The following DLGAP1 variants were observed in gnomAD, a reference collection of about 807,000 sequenced individuals.
DLGAP1 encodes disks large-associated protein 1.
In DLGAP1, 11 loss-of-function variants were observed where a neutral mutation model predicts 90.8. That is an observed-to-expected ratio of 0.12 (90% confidence interval 0.08 to 0.20). The LOEUF (loss-of-function observed/expected upper bound fraction) is 0.20. Among genes scored for constraint, DLGAP1 ranks in the 10% least tolerant of loss-of-function variants. DLGAP1 has a pLI of 1.00. For synonymous variants in DLGAP1, 558 were observed against 540.7 expected, an observed-to-expected ratio of 1.03 and a Z score of -0.44; for missense variants, 1,050 against 1,333.8, an observed-to-expected ratio of 0.79 and a Z score of 3.31.
At chr18:3,975,208 TTATATA>T (rs1178973211) in intron 3 of DLGAP1, among the ~76,000 whole-genome samples, 1 of 151,914 alleles carries the variant, frequency 6.6e-6, no homozygotes, top group African/African-American at 2.4e-5. Flanking sequence ...AAAATAAAAA[TTATATA>T]TATAAATACA....
At chr18:3,916,090 G>A (rs1212383418) in intron 3 of DLGAP1, among the ~76,000 whole-genome samples, 1 of 152,146 alleles carries the variant, frequency 6.6e-6, no homozygotes, top group African/African-American at 2.4e-5. Flanking sequence ...CATCCATAAG[G>A]CTTCCCTCTC....
chr18:3,795,447 C>A (rs1047095873), intron 5 of DLGAP1, among the ~76,000 whole-genome samples: 1 of 151,946 alleles, frequency 6.6e-6, no homozygotes, highest in African/African-American at 2.4e-5. Context: ...TCCTGAGTAG[C>A]TGGGACTACA....
chr18:3,583,191 T>C (rs77548121), intron 7 of DLGAP1, among the ~76,000 whole-genome samples: 16,840 of 147,300 alleles, frequency 0.11, 1,216 homozygotes, highest in East Asian at 0.22. Context: ...CCTACCTTCC[T>C]TCCTTCCTTC....
intron 12 of DLGAP1, 110 bp downstream of exon 12, chr18:3,502,383 C>T: frequency 6.6e-7 from 1 of 1,505,316 alleles, no homozygotes; most frequent in Non-Finnish European, 8.8e-7. Context: ...AATATGATAT[C>T]AGCTCCATTT....
intron 7 of DLGAP1, among the ~76,000 whole-genome samples, chr18:3,672,594 AAAAAAAAAAAAAAAAGTTAATGAG>A (rs59480790): frequency 0.038 from 5,570 of 145,298 alleles, 447 homozygotes; most frequent in African/African-American, 0.13. Flanking sequence ...AAAAAAAAAA[AAAAAAAAAAAAAAAAGTTAATGAG>A]AAACAGGTAG....
chr18:3,575,575 G>A (rs1218814467), intron 8 of DLGAP1, among the ~76,000 whole-genome samples: 1 of 152,144 alleles, frequency 6.6e-6, no homozygotes, highest in African/African-American at 2.4e-5. Context: ...GTAGGAATAC[G>A]AGGTGGGAGT....
At chr18:4,163,085 A>C (rs973990162) in intron 1 of DLGAP1, among the ~76,000 whole-genome samples, 30 of 152,154 alleles carry the variant, frequency 2.0e-4, no homozygotes, top group African/African-American at 7.2e-4. Context: ...CATCTTTACT[A>C]ATGTCCAGCA....
chr18:3,499,267 G>A lies in DLGAP1; in HGVS notation c.2852C>T (p.Ala951Val), dbSNP rs756796991. Residue 951 changes from alanine (A) to valine (V), a missense_variant, in exon 13 of 13, where the codon GCC (alanine) becomes GTC (valine). By Grantham distance (64) the Ala-to-Val change is moderately conservative (BLOSUM62 0). This residue lies in a region of DLGAP1 where 565 missense variants were observed against 879.7 expected (regional missense o/e 0.64). Coordinates refer to ENST00000315677, the MANE Select transcript of DLGAP1 (RefSeq NM_004746.4). The surrounding 1 kb of genome is among the most constrained non-coding windows in gnomAD (Gnocchi z 6.4). Reference sequence around the variant, plus strand: ...GGCCGAGTTCTGGCGGACGGACGCGGCGCGCTTGGCGGCCATCAGGCGCTT... The same window carrying A: ...GGCCGAGTTCTGGCGGACGGACGCGACGCGCTTGGCGGCCATCAGGCGCTT... The part of the protein sequence containing the change: ...ARKRLMAAKR[A>V]ASVRQNSATE... 1 of 1,600,610 alleles carries A rather than the reference G, an allele frequency of 6.2e-7. No homozygotes were observed. The highest frequency in any genetic ancestry group is 1.1e-5 in the South Asian group (1 of 89,490).
chr18:4,097,028 T>C (rs1300345884), intron 2 of DLGAP1, among the ~76,000 whole-genome samples: 1 of 152,256 alleles, frequency 6.6e-6, no homozygotes, highest in East Asian at 1.9e-4. Flanking sequence ...CCTCTCTCTT[T>C]CAAATCCAGC....
intron 1 of DLGAP1, among the ~76,000 whole-genome samples, chr18:4,227,337 C>A (rs2078212781): frequency 6.6e-6 from 1 of 151,962 alleles, no homozygotes; most frequent in South Asian, 2.1e-4. Flanking sequence ...TTAATCTGCA[C>A]CTAGACCAAA....
intron 1 of DLGAP1, among the ~76,000 whole-genome samples, chr18:4,331,888 T>G (rs1289608341): frequency 6.6e-6 from 1 of 151,924 alleles, no homozygotes; most frequent in Non-Finnish European, 1.5e-5. Flanking sequence ...AACAAATATT[T>G]GTTCAATGCA....
rs75341896 is a variant in DLGAP1, at chr18:4,112,761, C to G, written c.-159+38419G>C. On this transcript the variant is annotated intron_variant, in intron 2 of 12. Transcript: ENST00000315677. Reference sequence around the variant, plus strand: ...CTTTTTCAGCTCTTGCCCCTCACCTCTCTCCCCTCTCCAGTAGTCACCAGT... The same window carrying G: ...CTTTTTCAGCTCTTGCCCCTCACCTGTCTCCCCTCTCCAGTAGTCACCAGT... 3.1e-3 allele frequency among the ~76,000 whole-genome samples: 469 copies of G among 152,190 alleles called. 13 individuals are homozygous for G. The East Asian group carries it at 0.054, about 17-fold the overall frequency.
chr18:4,069,171 C>T (rs912446939), intron 2 of DLGAP1, among the ~76,000 whole-genome samples: 4 of 152,064 alleles, frequency 2.6e-5, no homozygotes, highest in Non-Finnish European at 5.9e-5. Flanking sequence ...AGTGTAAGTT[C>T]TTCCACAGCA....
intron 1 of DLGAP1, among the ~76,000 whole-genome samples, chr18:4,209,574 T>C (rs1278808252): frequency 1.3e-5 from 2 of 152,206 alleles, no homozygotes; most frequent in African/African-American, 2.4e-5. Context: ...AAGGAGATCA[T>C]AGGCCTCATA....
rs991282017 is a variant in DLGAP1 at position 3,626,788 on chromosome 18, C to A, written c.1592-44540G>T. 5.9e-5 allele frequency among the ~76,000 whole-genome samples: 9 copies of A among 151,844 alleles called. No individual in the cohort carries two copies. The South Asian group carries it at 1.9e-3, about 32-fold the overall frequency. On this transcript the variant is annotated intron_variant, in intron 7 of 12. Transcript: ENST00000315677. ...TGGCGTGCACCTGTAATCCCAGCTA[C>A]TCGGGAGGCTGAGGCAGGAGAATCA...
chr18:3,643,440 G>T (rs999769288), intron 7 of DLGAP1, among the ~76,000 whole-genome samples: 14 of 152,078 alleles, frequency 9.2e-5, no homozygotes, highest in African/African-American at 3.4e-4. Flanking sequence ...GAGACGGGCG[G>T]ATCACGAGGT....
intron 2 of DLGAP1, among the ~76,000 whole-genome samples, chr18:4,032,722 T>C (rs2074816505): frequency 6.6e-6 from 1 of 152,202 alleles, no homozygotes; most frequent in African/African-American, 2.4e-5. Flanking sequence ...ATTTAGGGGC[T>C]AGTAGGAAGG....
rs78002863 is a variant in DLGAP1 at position 3,602,458 on chromosome 18, G to A, written c.1592-20210C>T. Reference sequence around the variant, plus strand: ...AAAATACAAAAAATTAGCCGGGCGTGGTGGCGGGCGCCTGTAGTCCCAGCT... The same window carrying A: ...AAAATACAAAAAATTAGCCGGGCGTAGTGGCGGGCGCCTGTAGTCCCAGCT... On this transcript the variant is annotated intron_variant, in intron 7 of 12. Coordinates refer to ENST00000315677, the MANE Select transcript of DLGAP1 (RefSeq NM_004746.4). Among the ~76,000 whole-genome samples the A allele has an allele frequency of 5.3e-5, 8 of 149,836 alleles. No individual in the cohort carries two copies. In the East Asian group the frequency reaches 9.8e-4, roughly 18 times the overall value.
chr18:4,352,577 T>G (rs527255894), intron 1 of DLGAP1, among the ~76,000 whole-genome samples: 9 of 152,262 alleles, frequency 5.9e-5, no homozygotes, highest in African/African-American at 1.7e-4. Context: ...TAGCCCCTAA[T>G]GCCTGAATTT....
Sources: gnomAD v4.1 joint callset for allele counts (sites outside exome capture counted in the v4.1 genomes callset) on GRCh38, gnomAD v4.1.1 for gene constraint, gnomAD v4.1.1 regional missense constraint, Gnocchi (gnomAD v3.1) non-coding constraint, MANE v1.5 for transcripts, NCBI Gene and HGNC (gene_info 2026-07-23, HGNC 2026-07-21) for gene names.